The following RIPOR3 variants were observed in gnomAD, a reference collection of about 807,000 sequenced individuals.
RIPOR3 encodes the protein RIPOR family member 3, also known as family with sequence similarity 65 member C.
Under a neutral mutation model 114.3 loss-of-function variants are expected in RIPOR3, and 95 were observed. The observed-to-expected ratio is 0.83, with a 90% CI of 0.70 to 0.99. RIPOR3 has a LOEUF of 0.99. RIPOR3 is among the 50% of genes least tolerant of loss of function. The pLI is 0.00. For missense variants in RIPOR3, 1,252 were observed against 1,266.9 expected (o/e 0.99, Z 0.18); for synonymous variants, 575 against 543.8 (o/e 1.06, Z -0.80).
chr20:50,594,785 C>A, intron 16 of RIPOR3, 71 bp from the exon 17 acceptor site: 1 of 1,533,840 alleles, frequency 6.5e-7, no homozygotes, highest in Non-Finnish European at 8.9e-7. Flanking sequence ...GAAAGGTTTC[C>A]CTCCACTAGG....
At chr20:50,666,227 T>TTTTCTTTTC (rs1355256257) in intron 1 of RIPOR3, among the ~76,000 whole-genome samples, 1 of 14,544 alleles carries the variant, frequency 6.9e-5, no homozygotes. Context: ...CTTTTCTTTT[T>TTTTCTTTTC]TGAGACGGAG....
intron 1 of RIPOR3, among the ~76,000 whole-genome samples, chr20:50,643,806 CGCCATTCT>C (rs762813086): frequency 6.6e-5 from 10 of 151,092 alleles, no homozygotes; most frequent in Non-Finnish European, 1.2e-4. Flanking sequence ...CCCGGGTTCA[CGCCATTCT>C]GCCATTCTCC....
intron 1 of RIPOR3, chr20:50,653,317 G>A (rs950698572): frequency 3.3e-5 from 5 of 152,082 alleles, no homozygotes; most frequent in African/African-American, 1.2e-4. Context: ...GGGGAGAATG[G>A]GAGTCATTAC....
Position 50,638,242 on chromosome 20 carries a change from G to A in RIPOR3, c.4-7386C>T, listed in dbSNP as rs187660498. Among the ~76,000 whole-genome samples, 865 of 152,328 alleles carry A rather than the reference G, an allele frequency of 5.7e-3. 3 individuals are homozygous for A. Among genetic ancestry groups the A allele is most frequent in the South Asian group, 8.9e-3 (43 of 4,826 alleles). Reference sequence around the variant, plus strand: ...TGCCCTGATTTGTGATTTAAGAGAAGAACAAGCAGCTCCTTGGGAAGCCCC... The same window carrying A: ...TGCCCTGATTTGTGATTTAAGAGAAAAACAAGCAGCTCCTTGGGAAGCCCC... On this transcript the variant is annotated intron_variant, in intron 1 of 21. Transcript: ENST00000327979.
chr20:50,648,845 G>A (rs1311808707), intron 1 of RIPOR3, among the ~76,000 whole-genome samples: 1 of 152,110 alleles, frequency 6.6e-6, no homozygotes, highest in Non-Finnish European at 1.5e-5. Flanking sequence ...ACAAGCAATG[G>A]GGAGTGGTTC....
At chr20:50,645,275 G>A (rs1395790303) in intron 1 of RIPOR3, among the ~76,000 whole-genome samples, 1 of 152,236 alleles carries the variant, frequency 6.6e-6, no homozygotes, top group Non-Finnish European at 1.5e-5. Context: ...CAGGAAGGCA[G>A]GAGCACCGTT....
intron 1 of RIPOR3, among the ~76,000 whole-genome samples, chr20:50,664,128 T>C (rs1288132367): frequency 1.3e-5 from 2 of 152,296 alleles, no homozygotes; most frequent in African/African-American, 2.4e-5. Flanking sequence ...GGTTTCACCA[T>C]GTTGGTCAGG....
chr20:50,588,496 C>T (rs1288486039), intron 20 of RIPOR3, among the ~76,000 whole-genome samples: 5 of 152,218 alleles, frequency 3.3e-5, no homozygotes, highest in Non-Finnish European at 7.3e-5. Flanking sequence ...CGGGCATCCC[C>T]TCACATCCAT....
At chr20:50,619,349 G>A (rs973397970) in intron 3 of RIPOR3, among the ~76,000 whole-genome samples, 5 of 151,578 alleles carry the variant, frequency 3.3e-5, no homozygotes, top group African/African-American at 1.2e-4. Flanking sequence ...GCTGAGGCAG[G>A]AGAATTGCTT....
At chr20:50,683,378 T>C (rs2904275) in intron 1 of RIPOR3, among the ~76,000 whole-genome samples, 1 of 151,884 alleles carries the variant, frequency 6.6e-6, no homozygotes, top group Admixed American at 6.6e-5. Flanking sequence ...TAGATGGAAG[T>C]GTAGGTGGGG....
rs188851867 is a variant in RIPOR3 at position 50,627,451 on chromosome 20, A to G, written c.122+3287T>C. Among the ~76,000 whole-genome samples, 265 of 149,906 alleles carry G rather than the reference A, an allele frequency of 1.8e-3. 3 individuals carry two copies. The highest frequency in any genetic ancestry group is 3.2e-3 in the Non-Finnish European group (219 of 67,922). ...CTTGAACTCAGGAGGCGGAGGTTGC[A>G]GTGAGCCGAGAATATGCCACTGCAC... On this transcript the variant is annotated intron_variant, in intron 2 of 21. Coordinates refer to ENST00000327979, the MANE Select transcript of RIPOR3 (RefSeq NM_001290268.2).
chr20:50,644,109 G>A (rs2085304596), intron 1 of RIPOR3, among the ~76,000 whole-genome samples: 1 of 151,964 alleles, frequency 6.6e-6, no homozygotes. Context: ...AACAGAATGA[G>A]ACCACATCTC....
intron 1 of RIPOR3, among the ~76,000 whole-genome samples, chr20:50,653,736 A>G (rs1311872423): frequency 6.6e-5 from 10 of 151,752 alleles, no homozygotes; most frequent in Non-Finnish European, 5.9e-5. Flanking sequence ...GACTACAGGC[A>G]TGCACCACCC....
intron 2 of RIPOR3, among the ~76,000 whole-genome samples, chr20:50,624,748 G>A (rs2145698): frequency 0.12 from 18,727 of 152,228 alleles, 2,820 homozygotes; most frequent in African/African-American, 0.35. Context: ...AGACGGGCAC[G>A]TGCAACCTGC....
At chr20:50,594,989 A>G in intron 16 of RIPOR3, 1 of 503,060 alleles carries the variant, frequency 2.0e-6, no homozygotes, top group Non-Finnish European at 3.6e-6. Context: ...TTCTGAGGGG[A>G]GGTCCCACGG....
intron 2 of RIPOR3, among the ~76,000 whole-genome samples, chr20:50,629,467 C>T (rs1031474329): frequency 3.3e-5 from 5 of 152,202 alleles, no homozygotes; most frequent in African/African-American, 1.2e-4. Flanking sequence ...CAGGCCTGAG[C>T]TCATCGGGCT....
At chr20:50,595,255 C>A in intron 16 of RIPOR3, 114 bp downstream of exon 16, 1 of 1,408,056 alleles carries the variant, frequency 7.1e-7, no homozygotes, top group Non-Finnish European at 9.7e-7. Flanking sequence ...ACAGCCTCCA[C>A]TCTGGGCCCC....
At chr20:50,593,606 A>T (rs143554213) in intron 17 of RIPOR3, among the ~76,000 whole-genome samples, 2 of 151,796 alleles carry the variant, frequency 1.3e-5, no homozygotes, top group Admixed American at 6.6e-5. Flanking sequence ...GCACGAGGGC[A>T]GGTGTCCCTC....
chr20:50,679,529 G>A (rs1287025760), intron 1 of RIPOR3, among the ~76,000 whole-genome samples: 1 of 150,538 alleles, frequency 6.6e-6, no homozygotes, highest in African/African-American at 2.4e-5. Context: ...AGGCTGAGGT[G>A]GGCAGATCAC....
Sources: allele counts gnomAD v4.1 joint callset (sites outside exome capture counted in the v4.1 genomes callset), GRCh38; gene constraint gnomAD v4.1.1; transcripts MANE v1.5; gene names NCBI Gene and HGNC (gene_info 2026-07-23, HGNC 2026-07-21).